SH3BGRL2: variants seen among roughly 807,000 people sequenced by gnomAD.
SH3BGRL2 encodes SH3 domain-binding glutamic acid-rich-like protein 2.
In SH3BGRL2, 21 loss-of-function variants were observed where a neutral mutation model predicts 14.8. The observed-to-expected ratio is 1.42, with a 90% CI of 1.01 to 2.05. The LOEUF (loss-of-function observed/expected upper bound fraction) is 2.05. SH3BGRL2 is among the 30% of genes most tolerant of loss of function. SH3BGRL2 has a pLI of 0.00. For missense variants in SH3BGRL2, 147 were observed against 130.8 expected, an observed-to-expected ratio of 1.12 and a Z score of -0.61; for synonymous variants, 50 against 47.8, an observed-to-expected ratio of 1.05 and a Z score of -0.19.
chr6:79,615,990 A>G, the SH3BGRL2 span, among the ~76,000 whole-genome samples: 1 of 151,746 alleles, frequency 6.6e-6, no homozygotes, highest in African/African-American at 2.4e-5. Context: ...CTGATTTTCT[A>G]CTTTTTGTAG....
the SH3BGRL2 span, among the ~76,000 whole-genome samples, chr6:79,541,949 T>A: frequency 3.9e-5 from 6 of 152,212 alleles, no homozygotes; most frequent in Admixed American, 3.9e-4. Flanking sequence ...AATTTTGTTA[T>A]TTTTTGACTG....
At chr6:79,698,613 G>A (rs1365352947) in intron 3 of SH3BGRL2, among the ~76,000 whole-genome samples, 1 of 152,046 alleles carries the variant, frequency 6.6e-6, no homozygotes, top group Non-Finnish European at 1.5e-5. Context: ...GCCCTCCATA[G>A]TGGGAGGGGC....
the SH3BGRL2 span, among the ~76,000 whole-genome samples, chr6:79,545,007 A>G: frequency 7.9e-5 from 12 of 152,354 alleles, no homozygotes; most frequent in African/African-American, 2.9e-4. Flanking sequence ...AACTGATCTG[A>G]TGCAGTGTCT....
chr6:79,578,945 A>C, the SH3BGRL2 span, among the ~76,000 whole-genome samples: 1 of 152,242 alleles, frequency 6.6e-6, no homozygotes, highest in Non-Finnish European at 1.5e-5. Context: ...AACAGTGTAG[A>C]GAAGACCTTA....
At chr6:79,633,182 A>G (rs1215496748) in intron 1 of SH3BGRL2, among the ~76,000 whole-genome samples, 3 of 152,144 alleles carry the variant, frequency 2.0e-5, no homozygotes. Flanking sequence ...TTGCACATGG[A>G]GCTAAAATTA....
At chr6:79,689,511 T>A (rs1770166579) in intron 2 of SH3BGRL2, among the ~76,000 whole-genome samples, 1 of 152,206 alleles carries the variant, frequency 6.6e-6, no homozygotes, top group African/African-American at 2.4e-5. Flanking sequence ...TTATTGATAA[T>A]GTTACATATT....
chr6:79,683,389 A>T (rs1770029036), intron 2 of SH3BGRL2, among the ~76,000 whole-genome samples: 1 of 151,912 alleles, frequency 6.6e-6, no homozygotes, highest in Non-Finnish European at 1.5e-5. Flanking sequence ...TCTCTGTTGC[A>T]TATTCTTTTC....
chr6:79,633,129 CTGCTGTGTGCCT>C (rs1402965561), intron 1 of SH3BGRL2, among the ~76,000 whole-genome samples: 3 of 152,152 alleles, frequency 2.0e-5, no homozygotes, highest in African/African-American at 7.2e-5. Context: ...TATTGCCTGC[CTGCTGTGTGCCT>C]TTTTAACTTT....
rs1000337641 is a variant in SH3BGRL2, at chr6:79,656,587, A to G, written c.46-17027A>G. Among the ~76,000 whole-genome samples the G allele has an allele frequency of 6.6e-5, 10 of 152,332 alleles. No individual in the cohort carries two copies. In the East Asian group the frequency reaches 1.9e-3, roughly 29 times the overall value. ...CATCCTTGGATTCAACCATCCATGG[A>G]TGAAAAATATTCAGAAGAAAAGAAC... On this transcript the variant is annotated intron_variant, in intron 1 of 3. Coordinates refer to ENST00000369838, the MANE Select transcript of SH3BGRL2 (RefSeq NM_031469.4).
At chr6:79,605,580 T>C in the SH3BGRL2 span, among the ~76,000 whole-genome samples, 1 of 152,238 alleles carries the variant, frequency 6.6e-6, no homozygotes, top group African/African-American at 2.4e-5. Flanking sequence ...TTTTTAAATC[T>C]GGAGAATGAA....
At chr6:79,547,532 G>C in the SH3BGRL2 span, among the ~76,000 whole-genome samples, 30 of 152,120 alleles carry the variant, frequency 2.0e-4, no homozygotes, top group African/African-American at 7.0e-4. Context: ...CCCTACCCCT[G>C]ACCCAAGGGC....
At chr6:79,588,032 G>A in the SH3BGRL2 span, among the ~76,000 whole-genome samples, 2 of 151,568 alleles carry the variant, frequency 1.3e-5, no homozygotes, top group Non-Finnish European at 3.0e-5. Context: ...GGTGGCTCAT[G>A]GCTGTAATCC....
the SH3BGRL2 span, among the ~76,000 whole-genome samples, chr6:79,613,951 G>A: frequency 3.9e-4 from 60 of 152,090 alleles, no homozygotes; most frequent in Middle Eastern, 6.8e-3. Context: ...AAGACATTCC[G>A]TATTTTCCCT....
chr6:79,586,008 C>T, the SH3BGRL2 span, among the ~76,000 whole-genome samples: 27,772 of 151,702 alleles, frequency 0.18, 2,630 homozygotes, highest in South Asian at 0.22. Context: ...CCAGCCTGAC[C>T]AACATGGAGA....
the SH3BGRL2 span, among the ~76,000 whole-genome samples, chr6:79,543,186 G>A: frequency 9.9e-3 from 1,503 of 152,220 alleles, 34 homozygotes; most frequent in African/African-American, 0.035. Flanking sequence ...AGTAAAATTA[G>A]TTTTATTTAA....
At chr6:79,694,719 G>A (rs2127739374) in intron 2 of SH3BGRL2, among the ~76,000 whole-genome samples, 1 of 152,112 alleles carries the variant, frequency 6.6e-6, no homozygotes, top group Non-Finnish European at 1.5e-5. Context: ...AAAGTTCAGA[G>A]CCACTTTAAT....
chr6:79,664,381 T>A (rs1438369095), intron 1 of SH3BGRL2, among the ~76,000 whole-genome samples: 4 of 152,238 alleles, frequency 2.6e-5, no homozygotes, highest in Non-Finnish European at 5.9e-5. Context: ...ATTATGACAT[T>A]TAAATTTCAC....
upstream of SH3BGRL2, among the ~76,000 whole-genome samples, chr6:79,626,984 G>A (rs896191409): frequency 8.5e-5 from 13 of 152,110 alleles, no homozygotes; most frequent in African/African-American, 2.7e-4. Flanking sequence ...CAGGAACCAC[G>A]GCAGACTTGG....
At chr6:79,587,729 GCATACA>G in the SH3BGRL2 span, among the ~76,000 whole-genome samples, 34 of 152,152 alleles carry the variant, frequency 2.2e-4, no homozygotes, top group Non-Finnish European at 4.0e-4. Flanking sequence ...CAAGAGAAAA[GCATACA>G]CATTTTACTT....
Sources: gnomAD v4.1 joint callset for allele counts (sites outside exome capture counted in the v4.1 genomes callset) on GRCh38, gnomAD v4.1.1 for gene constraint, MANE v1.5 for transcripts, NCBI Gene and HGNC (gene_info 2026-07-23, HGNC 2026-07-21) for gene names.